Variants in CEP57 observed in about 807,000 individuals in gnomAD.
CEP57 encodes the protein centrosomal protein of 57 kDa.
In CEP57, 40 loss-of-function variants were observed where a neutral mutation model predicts 68.0. The ratio of observed to expected loss-of-function variants is 0.59; its 90% CI spans 0.46 to 0.77. CEP57 has a LOEUF of 0.77. Among genes scored for constraint, CEP57 ranks in the 30% least tolerant of loss-of-function variants. The pLI, the probability that CEP57 is intolerant of heterozygous loss-of-function variation, is 0.00. For missense variants in CEP57, 606 were observed against 580.7 expected, an observed-to-expected ratio of 1.04 and a Z score of -0.45; for synonymous variants, 219 against 198.7, an observed-to-expected ratio of 1.10 and a Z score of -0.86.
At chr11:95,792,384 A>G (rs558638832) in intron 1 of CEP57, among the ~76,000 whole-genome samples, 2 of 152,332 alleles carry the variant, frequency 1.3e-5, no homozygotes, top group South Asian at 2.1e-4. Flanking sequence ...AATACCAGCT[A>G]CTAGTGAGGC....
intron 10 of CEP57, among the ~76,000 whole-genome samples, chr11:95,830,453 G>A (rs1281687149): frequency 6.6e-6 from 1 of 152,116 alleles, no homozygotes; most frequent in Non-Finnish European, 1.5e-5. Context: ...GCCAGCATCA[G>A]TTTGGCTAAA....
chr11:95,808,029 A>G (rs1861887048), intron 2 of CEP57, among the ~76,000 whole-genome samples: 1 of 152,292 alleles, frequency 6.6e-6, no homozygotes, highest in South Asian at 2.1e-4. Flanking sequence ...TCTCGGCAGA[A>G]ACTACAAGCC....
intron 10 of CEP57, among the ~76,000 whole-genome samples, chr11:95,830,582 C>T (rs144598445): frequency 0.01 from 1,565 of 152,242 alleles, 10 homozygotes; most frequent in Non-Finnish European, 0.017. Flanking sequence ...GAAATTGCTT[C>T]TTTGCCTCCT....
intron 9 of CEP57, among the ~76,000 whole-genome samples, chr11:95,828,662 C>A (rs1450986716): frequency 6.6e-6 from 1 of 152,128 alleles, no homozygotes; most frequent in East Asian, 1.9e-4. Context: ...ATACAATACT[C>A]TTTTGGGGAA....
At position 95,797,809 on chromosome 11, in the gene CEP57, A is replaced by G. The variant is rs1015556913; in HGVS notation, c.46-1423A>G. On this transcript the variant is annotated intron_variant, in intron 1 of 10. Transcript: ENST00000325542. ...GGGAACTAGTTTGTTAGTTAATCACATAGTTAATGGGATTCCCCTGACTGG... is the reference window on the plus strand; with the variant it reads ...GGGAACTAGTTTGTTAGTTAATCACGTAGTTAATGGGATTCCCCTGACTGG... 7.7e-4 allele frequency among the ~76,000 whole-genome samples: 118 copies of G among 152,316 alleles called. 1 individual carries two copies. The highest frequency in any genetic ancestry group is 2.7e-3 in the African/African-American group (112 of 41,564).
chr11:95,827,186 T>G (rs1862778702), intron 8 of CEP57: 1 of 152,548 alleles, frequency 6.6e-6, no homozygotes, highest in Non-Finnish European at 1.5e-5. Context: ...TTGAGAAGTC[T>G]ATCAGGTTTT....
intron 1 of CEP57, among the ~76,000 whole-genome samples, chr11:95,793,437 C>CAGT (rs1861190942): frequency 6.6e-6 from 1 of 152,190 alleles, no homozygotes; most frequent in African/African-American, 2.4e-5. Context: ...CCAAGCTGCA[C>CAGT]AGTAGCTCCA....
Position 95,831,461 on chromosome 11 carries a change from A to T in CEP57, c.*205A>T. On this transcript the variant is annotated 3_prime_UTR_variant, in exon 11 of 11. Transcript: ENST00000325542. ...TTTAAATGGAAACCAGGGGAGTTTT[A>T]AAGCCCGAGAAACCACACATAATCT... is the stretch of plus-strand genomic sequence containing the variant. 2.1e-6 allele frequency: 1 copy of T among 477,762 alleles called. No individual in the cohort carries two copies. The highest frequency in any genetic ancestry group is 3.8e-6 in the Non-Finnish European group (1 of 265,638). The allele number at this position is 477,762 out of a possible 1,614,324, so 29.6% of individuals were successfully genotyped here. A position where few individuals can be genotyped will look rare whatever the true frequency, so the allele number is the denominator to read the frequency against.
chr11:95,814,428 T>A (rs1041104685), intron 4 of CEP57, among the ~76,000 whole-genome samples: 1 of 149,386 alleles, frequency 6.7e-6, no homozygotes, highest in African/African-American at 2.5e-5. Flanking sequence ...CGGCGTGATC[T>A]CAGCTCACCG....
chr11:95,811,962 A>G (rs527842563), intron 2 of CEP57, among the ~76,000 whole-genome samples: 24 of 152,188 alleles, frequency 1.6e-4, no homozygotes, highest in African/African-American at 5.8e-4. Context: ...TTTTGTCTCA[A>G]TTTATTTTAC....
Position 95,831,099 on chromosome 11 carries a change from ACAG to A in CEP57, c.1354_1356del (p.Ser452del). 1 of 1,613,526 alleles carries A rather than the reference ACAG, an allele frequency of 6.2e-7. No homozygotes were observed. ...AAAAAGACTCTTGATGAAGAAAGAA[ACAG>A]CAGCAGCCGTTCTGGAATCACAGGG... On this transcript the variant is annotated inframe_deletion, in exon 11 of 11. Coordinates refer to ENST00000325542, the MANE Select transcript of CEP57 (RefSeq NM_014679.5).
chr11:95,813,629 T>A (rs764484462), intron 4 of CEP57, 40 bp downstream of exon 4: 1 of 1,609,392 alleles, frequency 6.2e-7, no homozygotes, highest in African/African-American at 1.3e-5. Flanking sequence ...CAAGAACAGT[T>A]ATGGGGAAAA....
At chr11:95,818,149 C>T (rs1272251529) in intron 5 of CEP57, 18 of 382,498 alleles carry the variant, frequency 4.7e-5, no homozygotes, top group Non-Finnish European at 7.4e-5. Context: ...TGGTGGCTCA[C>T]GCCTGTAATC....
chr11:95,828,168 G>GTTGGTATAC, intron 9 of CEP57, 141 bp downstream of exon 9: 1 of 942,284 alleles, frequency 1.1e-6, no homozygotes, highest in Non-Finnish European at 1.6e-6. Flanking sequence ...AAGTTACTGG[G>GTTGGTATAC]ACTTTAACAA....
At chr11:95,827,241 C>A (rs572574987) in intron 8 of CEP57, 60 of 153,442 alleles carry the variant, frequency 3.9e-4, no homozygotes, top group Admixed American at 1.2e-3. Flanking sequence ...TCCTATTATT[C>A]CAGGATACAG....
intron 2 of CEP57, among the ~76,000 whole-genome samples, chr11:95,804,867 AT>A (rs145762468): frequency 6.6e-6 from 1 of 152,060 alleles, no homozygotes; most frequent in African/African-American, 2.4e-5. Flanking sequence ...TATGGGTGTG[AT>A]TTTTTTCCTT....
intron 1 of CEP57, among the ~76,000 whole-genome samples, chr11:95,795,205 T>C (rs1861290004): frequency 6.6e-6 from 1 of 152,228 alleles, no homozygotes; most frequent in Non-Finnish European, 1.5e-5. Flanking sequence ...TTTAGGATAT[T>C]GACCCTTCTG....
At chr11:95,790,028 C>T (rs1860931212), upstream of CEP57, 1 of 157,194 alleles carries the variant, frequency 6.4e-6, no homozygotes, top group Non-Finnish European at 1.4e-5. Flanking sequence ...GCGCCCCAAT[C>T]CAATTGAGCA....
chr11:95,826,743 A>C (rs1263105649), intron 8 of CEP57: 3 of 152,344 alleles, frequency 2.0e-5, no homozygotes, highest in Non-Finnish European at 4.4e-5. Context: ...GCATATTGAA[A>C]GTGTACTCAT....
Sources: allele counts gnomAD v4.1 joint callset (sites outside exome capture counted in the v4.1 genomes callset), GRCh38; gene constraint gnomAD v4.1.1; transcripts MANE v1.5; gene names NCBI Gene and HGNC (gene_info 2026-07-23, HGNC 2026-07-21).